RNLS: variants seen among roughly 807,000 people sequenced by gnomAD.
The protein encoded by RNLS is renalase.
In RNLS, 39 loss-of-function variants were observed where a neutral mutation model predicts 39.8. The ratio of observed to expected loss-of-function variants is 0.98; its 90% confidence interval spans 0.76 to 1.28. The LOEUF (loss-of-function observed/expected upper bound fraction) is 1.28. Ranked by LOEUF, RNLS falls within the 50% of genes most tolerant of loss-of-function variation. The probability of loss-of-function intolerance (pLI) is 0.00; values close to 1 mark genes in which losing one functional copy is unlikely to be tolerated. For missense variants in RNLS, 410 were observed against 413.3 expected (o/e 0.99, Z 0.07); for synonymous variants, 147 against 150.7 (o/e 0.98, Z 0.18).
chr10:88,256,438 C>T, the RNLS span, among the ~76,000 whole-genome samples: 520 of 152,318 alleles, frequency 3.4e-3, 3 homozygotes, highest in African/African-American at 0.011. Context: ...GACACAGCTG[C>T]AGATGTGAAA....
intron 4 of RNLS, among the ~76,000 whole-genome samples, chr10:88,378,415 C>G (rs1020025608): frequency 1.3e-5 from 2 of 152,110 alleles, no homozygotes; most frequent in African/African-American, 4.8e-5. Flanking sequence ...TCATAGAAAC[C>G]AGAACCCTTT....
intron 4 of RNLS, among the ~76,000 whole-genome samples, chr10:88,417,031 G>A (rs1253470399): frequency 3.3e-5 from 5 of 152,354 alleles, no homozygotes; most frequent in South Asian, 2.1e-4. Context: ...TTCTTTCACA[G>A]ATTTCCCTGT....
At chr10:88,325,607 G>A (rs901700879) in intron 5 of RNLS, among the ~76,000 whole-genome samples, 2 of 152,226 alleles carry the variant, frequency 1.3e-5, no homozygotes, top group Non-Finnish European at 2.9e-5. Context: ...GGTCATGACA[G>A]TTGTAACCAT....
chr10:88,267,030 T>C, the RNLS span, among the ~76,000 whole-genome samples: 1 of 152,230 alleles, frequency 6.6e-6, no homozygotes, highest in Non-Finnish European at 1.5e-5. Context: ...TGTCTCCCAG[T>C]GCAGGTGTCA....
At chr10:88,437,565 T>C (rs1841482189) in intron 4 of RNLS, among the ~76,000 whole-genome samples, 1 of 152,208 alleles carries the variant, frequency 6.6e-6, no homozygotes, top group African/African-American at 2.4e-5. Flanking sequence ...CTAGACACAG[T>C]TGGAAGCCTT....
chr10:88,581,280 A>G (rs867575850), intron 3 of RNLS, among the ~76,000 whole-genome samples: 300 of 142,620 alleles, frequency 2.1e-3, no homozygotes, highest in African/African-American at 6.9e-3. Flanking sequence ...ATATATATGT[A>G]TGTGTGTGTG....
chr10:88,313,648 T>C (rs1467712149), intron 6 of RNLS, among the ~76,000 whole-genome samples: 1 of 152,208 alleles, frequency 6.6e-6, no homozygotes, highest in Non-Finnish European at 1.5e-5. Context: ...CACCACTTTT[T>C]CTACAGGCTT....
chr10:88,454,534 A>G (rs975454856), intron 4 of RNLS, among the ~76,000 whole-genome samples: 6 of 152,178 alleles, frequency 3.9e-5, no homozygotes, highest in African/African-American at 1.2e-4. Flanking sequence ...GGCTCTTTGT[A>G]TCTGTTAGAA....
the RNLS span, among the ~76,000 whole-genome samples, chr10:88,231,901 T>G: frequency 6.6e-6 from 1 of 151,142 alleles, no homozygotes; most frequent in African/African-American, 2.4e-5. Flanking sequence ...AGTGAATAGT[T>G]CAGGGATGGG....
In RNLS at chr10:88,343,452, G is replaced by C. The variant is rs747217973; in HGVS notation, c.700+19100C>G. 2.6e-4 allele frequency: 201 copies of C among 765,546 alleles called. 3 individuals are homozygous for C. The highest frequency in any genetic ancestry group is 1.3e-3 in the Middle Eastern group (2 of 1,490). The allele number at this position is 765,546 out of a possible 1,614,324, so 47.4% of individuals were successfully genotyped here. A position where few individuals can be genotyped will look rare whatever the true frequency, so the allele number is the denominator to read the frequency against. On this transcript the variant is annotated intron_variant, in intron 5 of 6. Coordinates refer to ENST00000331772, the MANE Select transcript of RNLS (RefSeq NM_001031709.3). ...GAAAGATGGGGGAGGAAAAAGTTCAGAATAATGAAAGTAGGCAATCAAGAG... is the reference window on the plus strand; with the variant it reads ...GAAAGATGGGGGAGGAAAAAGTTCACAATAATGAAAGTAGGCAATCAAGAG...
chr10:88,545,645 G>T (rs779271647), intron 4 of RNLS, among the ~76,000 whole-genome samples: 6 of 152,098 alleles, frequency 3.9e-5, no homozygotes, highest in Non-Finnish European at 8.8e-5. Context: ...ACTGGGTGGG[G>T]ACACAGCCAA....
the RNLS span, among the ~76,000 whole-genome samples, chr10:88,176,158 G>T: frequency 6.7e-6 from 1 of 148,988 alleles, no homozygotes; most frequent in African/African-American, 2.5e-5. Flanking sequence ...ATTCATTTAG[G>T]CAGCCTTAGC....
At chr10:88,521,006 G>A (rs1049298440) in intron 4 of RNLS, among the ~76,000 whole-genome samples, 2 of 151,898 alleles carry the variant, frequency 1.3e-5, no homozygotes, top group Non-Finnish European at 2.9e-5. Context: ...TATGAAAAAT[G>A]TGCTTAAAAT....
intron 3 of RNLS, among the ~76,000 whole-genome samples, chr10:88,575,254 GTGTATA>G (rs1424975793): frequency 1.4e-5 from 2 of 138,480 alleles, no homozygotes; most frequent in Non-Finnish European, 3.1e-5. Context: ...ATACACCAAG[GTGTATA>G]TGTATATGTG....
At chr10:88,500,931 G>A (rs1266780016) in intron 4 of RNLS, among the ~76,000 whole-genome samples, 3 of 151,906 alleles carry the variant, frequency 2.0e-5, no homozygotes, top group Non-Finnish European at 4.4e-5. Flanking sequence ...TCTATGTAAT[G>A]AGATTATTGT....
At chr10:88,190,126 G>A in the RNLS span, among the ~76,000 whole-genome samples, 1 of 152,300 alleles carries the variant, frequency 6.6e-6, no homozygotes, top group East Asian at 1.9e-4. Context: ...TCTCTGAACC[G>A]CTGAGTTCTG....
chr10:88,281,690 A>G (rs1015208495), downstream of RNLS, among the ~76,000 whole-genome samples: 1 of 152,244 alleles, frequency 6.6e-6, no homozygotes, highest in East Asian at 1.9e-4. Context: ...AAATCAACAT[A>G]AGGGTTGTCC....
chr10:88,383,391 C>A (rs1009843860), intron 4 of RNLS, among the ~76,000 whole-genome samples: 1 of 152,088 alleles, frequency 6.6e-6, no homozygotes, highest in Non-Finnish European at 1.5e-5. Context: ...ACAGCACTTA[C>A]AAGTGAAATT....
chr10:88,283,434 A>C (rs1225340801), downstream of RNLS, among the ~76,000 whole-genome samples: 1 of 152,178 alleles, frequency 6.6e-6, no homozygotes, highest in Non-Finnish European at 1.5e-5. Flanking sequence ...CCTTTGGAGG[A>C]CATAAATTCA....
Sources: allele counts gnomAD v4.1 joint callset (sites outside exome capture counted in the v4.1 genomes callset), GRCh38; gene constraint gnomAD v4.1.1; transcripts MANE v1.5; gene names NCBI Gene and HGNC (gene_info 2026-07-23, HGNC 2026-07-21).